Variants in TINAG observed in about 807,000 individuals in gnomAD.
TINAG encodes tubulointerstitial nephritis antigen.
In TINAG, 83 loss-of-function variants were observed where a neutral mutation model predicts 72.7. The ratio of observed to expected loss-of-function variants is 1.14; its 90% confidence interval spans 0.96 to 1.37. The LOEUF (loss-of-function observed/expected upper bound fraction) is 1.37. TINAG is among the 40% of genes most tolerant of loss of function. The pLI is 0.00. For missense variants in TINAG, 685 were observed against 576.6 expected (o/e 1.19, Z -1.93); for synonymous variants, 234 against 189.9 (o/e 1.23, Z -1.91).
chr6:54,364,788 C>G (rs1189230955), intron 9 of TINAG, among the ~76,000 whole-genome samples: 10 of 151,346 alleles, frequency 6.6e-5, no homozygotes, highest in Non-Finnish European at 1.2e-4. Flanking sequence ...ATCTATCTAT[C>G]TATCATCTGT....
At chr6:54,341,992 A>C (rs965941063) in intron 4 of TINAG, among the ~76,000 whole-genome samples, 1 of 152,212 alleles carries the variant, frequency 6.6e-6, no homozygotes. Context: ...TTGAGAAGAC[A>C]AAATAAAATA....
intron 9 of TINAG, among the ~76,000 whole-genome samples, chr6:54,360,788 T>C (rs544646899): frequency 2.7e-5 from 4 of 149,752 alleles, no homozygotes; most frequent in South Asian, 2.1e-4. Flanking sequence ...TGAAGATATA[T>C]AGTCCTACCT....
chr6:54,371,002 A>G (rs1763586960), intron 9 of TINAG, among the ~76,000 whole-genome samples: 1 of 152,116 alleles, frequency 6.6e-6, no homozygotes, highest in Non-Finnish European at 1.5e-5. Context: ...CAACAGTAAG[A>G]AGGAAAAGCT....
intron 9 of TINAG, among the ~76,000 whole-genome samples, chr6:54,364,758 T>C (rs1442762933): frequency 6.6e-6 from 1 of 151,408 alleles, no homozygotes; most frequent in African/African-American, 2.4e-5. Flanking sequence ...CATAAACCAT[T>C]GATATCTCTA....
intron 4 of TINAG, among the ~76,000 whole-genome samples, chr6:54,329,268 T>C (rs1784681501): frequency 6.6e-6 from 1 of 152,088 alleles, no homozygotes; most frequent in Non-Finnish European, 1.5e-5. Context: ...AGACTAAAAG[T>C]GGATGTCTCT....
intron 9 of TINAG, among the ~76,000 whole-genome samples, chr6:54,356,052 T>C (rs1352668488): frequency 6.6e-6 from 1 of 151,954 alleles, no homozygotes; most frequent in East Asian, 1.9e-4. Flanking sequence ...AATAGGGTTA[T>C]AAAACTGAAT....
Position 54,363,451 on chromosome 6 carries a change from A to C in TINAG, c.1250+8815A>C, listed in dbSNP as rs151285199. 8.6e-5 allele frequency among the ~76,000 whole-genome samples: 13 copies of C among 151,462 alleles called. No individual in the cohort carries two copies. The East Asian group carries it at 2.5e-3, about 30-fold the overall frequency. The stretch of plus-strand genomic sequence containing the variant: ...AGACATATTTGGGGAGAAAAGCTGT[A>C]AGACATGATGTGAGTTTGTAATGGG... On this transcript the variant is annotated intron_variant, in intron 9 of 10. Coordinates refer to ENST00000259782, the MANE Select transcript of TINAG (RefSeq NM_014464.4).
chr6:54,379,782 T>C (rs1763889614), intron 9 of TINAG, among the ~76,000 whole-genome samples: 1 of 151,102 alleles, frequency 6.6e-6, no homozygotes, highest in Non-Finnish European at 1.5e-5. Context: ...TTTATTTTTC[T>C]TTTTTTTTAA....
Position 54,389,807 on chromosome 6 carries a change from G to T in TINAG, c.1313G>T (p.Trp438Leu), listed in dbSNP as rs779896518. Residue 438 changes from tryptophan (W) to leucine (L), a missense_variant, in exon 11 of 11, where the codon TGG becomes TTG. Coordinates refer to ENST00000259782, the MANE Select transcript of TINAG (RefSeq NM_014464.4). The part of the protein sequence containing the change: ...KEKFWIAANS[W>L]GKSWGENGYF... The stretch of plus-strand genomic sequence containing the variant: ...TTTCTGCAGATTGCTGCCAATTCCT[G>T]GGGAAAGTCATGGGGAGAGAATGGC... The T allele has an allele frequency of 1.9e-6, 3 of 1,588,148 alleles. No homozygotes were observed. Among genetic ancestry groups the T allele is most frequent in the Non-Finnish European group, 2.6e-6 (3 of 1,170,718 alleles).
intron 10 of TINAG, among the ~76,000 whole-genome samples, chr6:54,385,771 A>G (rs1047153740): frequency 6.6e-6 from 1 of 152,006 alleles, no homozygotes; most frequent in African/African-American, 2.4e-5. Flanking sequence ...TAAAGGGATA[A>G]CACTCCATAA....
At chr6:54,364,852 C>T (rs924135177) in intron 9 of TINAG, among the ~76,000 whole-genome samples, 1 of 151,200 alleles carries the variant, frequency 6.6e-6, no homozygotes. Context: ...AAAAATAATG[C>T]CTCAGTACTG....
intron 6 of TINAG, among the ~76,000 whole-genome samples, chr6:54,348,055 T>G (rs1785168231): frequency 6.6e-6 from 1 of 152,102 alleles, no homozygotes. Context: ...TATAACATCC[T>G]TGTGTCTTCT....
intron 10 of TINAG, among the ~76,000 whole-genome samples, chr6:54,383,032 C>G (rs1192258375): frequency 3.3e-5 from 5 of 152,054 alleles, no homozygotes; most frequent in African/African-American, 9.7e-5. Flanking sequence ...TATAATGTCC[C>G]CACACTTCTG....
At position 54,389,778 on chromosome 6, in the gene TINAG, T is replaced by G; in HGVS notation, c.1297-13T>G. On this transcript the variant is annotated splice_polypyrimidine_tract_variant and intron_variant, in intron 10 of 10. Transcript: ENST00000259782. ...ATGTTTCTCAACTTTTTTGTTTGTT[T>G]GTTTTTCTGCAGATTGCTGCCAATT... The G allele has an allele frequency of 6.4e-7, 1 of 1,569,202 alleles. No homozygotes were observed. The highest frequency in any genetic ancestry group is 8.6e-7 in the Non-Finnish European group (1 of 1,164,048).
intron 9 of TINAG, among the ~76,000 whole-genome samples, 198 bp from the exon 10 acceptor site, chr6:54,380,328 G>A (rs1715922400): frequency 6.6e-6 from 1 of 152,014 alleles, no homozygotes; most frequent in South Asian, 2.1e-4. Flanking sequence ...TCTGTTCTGT[G>A]CACATAAATA....
intron 9 of TINAG, among the ~76,000 whole-genome samples, chr6:54,364,508 T>G (rs796090808): frequency 9.9e-5 from 15 of 151,576 alleles, no homozygotes; most frequent in African/African-American, 3.6e-4. Flanking sequence ...TCAAATATAT[T>G]AATAGAAGTT....
At chr6:54,309,019 T>A (rs1213120561) in intron 1 of TINAG, 114 bp downstream of exon 1, 2 of 982,014 alleles carry the variant, frequency 2.0e-6, no homozygotes, top group Non-Finnish European at 3.0e-6. Context: ...ATGAAAATGA[T>A]TATTGTGATT....
intron 10 of TINAG, among the ~76,000 whole-genome samples, chr6:54,381,698 G>T (rs1763955803): frequency 6.6e-6 from 1 of 151,906 alleles, no homozygotes; most frequent in African/African-American, 2.4e-5. Flanking sequence ...ATGTCCAATA[G>T]TTAAAATAAA....
intron 6 of TINAG, among the ~76,000 whole-genome samples, chr6:54,349,185 C>T (rs1785201534): frequency 1.3e-5 from 2 of 151,570 alleles, no homozygotes. Context: ...GTATCACGAA[C>T]TACAGATATA....
Sources: gnomAD v4.1 joint callset for allele counts (sites outside exome capture counted in the v4.1 genomes callset) on GRCh38, gnomAD v4.1.1 for gene constraint, MANE v1.5 for transcripts, NCBI Gene and HGNC (gene_info 2026-07-23, HGNC 2026-07-21) for gene names.